The following CIT variants were observed in gnomAD, a reference collection of about 807,000 sequenced individuals.
CIT encodes the protein citron rho-interacting serine/threonine kinase.
Under a neutral mutation model 272.7 loss-of-function variants are expected in CIT, and 79 were observed. That is an observed-to-expected ratio of 0.29 (90% CI 0.24 to 0.35). CIT has a LOEUF of 0.35. Ranked by LOEUF, CIT falls within the 10% of genes least tolerant of loss-of-function variation. The pLI is 1.00. For missense variants in CIT, 1,909 were observed against 2,618.3 expected (o/e 0.73, Z 5.91); for synonymous variants, 948 against 995.6 (o/e 0.95, Z 0.90).
Position 119,803,320 on chromosome 12 carries a change from T to G in CIT, c.1181A>C (p.Asn394Thr). The change falls in exon 10 of 48, where the codon AAT (asparagine) becomes ACT (threonine). Residue 394 changes from asparagine (N) to threonine (T), a missense_variant. Asn to Thr is a moderately conservative substitution (Grantham distance 65). Coordinates refer to ENST00000392521, the MANE Select transcript of CIT (RefSeq NM_001206999.2). The stretch of plus-strand genomic sequence containing the variant: ...GCACGGAGAGGATGAAACCCACGAA[T>G]TCTTCTCTGGTTCATCAAAATTGGA... ...DTSNFDEPEK[N>T]SWVSSSPCQL... The G allele has an allele frequency of 6.2e-7, 1 of 1,608,216 alleles. No individual in the cohort carries two copies. The highest frequency in any genetic ancestry group is 8.5e-7 in the Non-Finnish European group (1 of 1,177,248).
chr12:119,701,586 G>A (rs1474690386), intron 43 of CIT, 38 bp downstream of exon 43: 7 of 1,606,034 alleles, frequency 4.4e-6, no homozygotes, highest in Non-Finnish European at 6.0e-6. Context: ...TAGTGTCCAT[G>A]AGGACCCAAA....
chr12:119,752,370 G>A (rs761694898), intron 22 of CIT, 123 bp from the exon 23 acceptor site: 27 of 853,000 alleles, frequency 3.2e-5, no homozygotes, highest in African/African-American at 1.5e-4. Context: ...CCACCTTCTC[G>A]GCACTCGATA....
At chr12:119,734,448 G>GT (rs1380657786) in intron 25 of CIT, 91 bp from the exon 26 acceptor site, 1 of 1,327,640 alleles carries the variant, frequency 7.5e-7, no homozygotes, top group South Asian at 1.2e-5. Context: ...AAAAGCACAA[G>GT]TTTCTAACTA....
rs942395163 is a variant in CIT at position 119,712,115 on chromosome 12, A to C, written c.4854+63T>G. The C allele has an allele frequency of 2.7e-6, 4 of 1,484,192 alleles. No individual in the cohort carries two copies. The highest frequency in any genetic ancestry group is 3.6e-6 in the Non-Finnish European group (4 of 1,100,976). 91.9% of individuals were successfully genotyped at this position (1,484,192 alleles called of 1,614,324 possible). A position where few individuals can be genotyped will look rare whatever the true frequency, so the allele number is the denominator to read the frequency against. On this transcript the variant is annotated intron_variant, in intron 37 of 47. Transcript: ENST00000392521. This position sits in a 1 kb window ranked among gnomAD's most constrained non-coding sequence, Gnocchi z 5.2. ...ATGGCCAATGGGATTCTCGTCGTTA[A>C]CACCAGTTACCAAGTCAGCCCCCTT... is the stretch of plus-strand genomic sequence containing the variant.
intron 9 of CIT, among the ~76,000 whole-genome samples, chr12:119,808,210 G>A (rs1331451102): frequency 2.0e-5 from 3 of 150,886 alleles, no homozygotes; most frequent in East Asian, 1.9e-4. Flanking sequence ...AAAAATATTC[G>A]AAAAAAAACA....
Position 119,816,026 on chromosome 12 carries a change from G to A in CIT, c.1111+6794C>T, listed in dbSNP as rs1006346684. 2.3e-4 allele frequency among the ~76,000 whole-genome samples: 35 copies of A among 152,198 alleles called. 2 individuals carry two copies. The highest frequency in any genetic ancestry group is 2.3e-3 in the Admixed American group (35 of 15,280). On this transcript the variant is annotated intron_variant, in intron 9 of 47. Coordinates refer to ENST00000392521, the MANE Select transcript of CIT (RefSeq NM_001206999.2). ...AACTTCGGGCTCCATGACCTCATTT[G>A]TATTGTGGACTAGTGATAGGACCTG...
intron 28 of CIT, among the ~76,000 whole-genome samples, chr12:119,723,349 A>T (rs1226539813): frequency 2.0e-5 from 3 of 151,228 alleles, no homozygotes; most frequent in Non-Finnish European, 4.4e-5. Context: ...TAAACGCATC[A>T]ACTGTCCATT....
chr12:119,823,796 T>A (rs926005782), intron 8 of CIT, among the ~76,000 whole-genome samples: 7 of 151,974 alleles, frequency 4.6e-5, no homozygotes, highest in Non-Finnish European at 1.0e-4. Context: ...TCCCAATACT[T>A]TGGGAGGCCG....
chr12:119,794,710 T>C (rs1346983159), intron 10 of CIT, among the ~76,000 whole-genome samples: 3 of 152,204 alleles, frequency 2.0e-5, no homozygotes, highest in Non-Finnish European at 4.4e-5. Flanking sequence ...TGGAGCTGGA[T>C]TCTCTCAATG....
At chr12:119,783,798 C>A in intron 12 of CIT, 110 bp downstream of exon 12, 1 of 1,353,172 alleles carries the variant, frequency 7.4e-7, no homozygotes, top group South Asian at 1.5e-5. Flanking sequence ...CCTCTCTCTA[C>A]TCTCTGCCAT....
intron 33 of CIT, among the ~76,000 whole-genome samples, 164 bp downstream of exon 33, chr12:119,714,033 C>T (rs1957313766): frequency 6.6e-6 from 1 of 152,224 alleles, no homozygotes; most frequent in Non-Finnish European, 1.5e-5. Flanking sequence ...CATATATAAA[C>T]TCACAGCTTC....
Position 119,700,580 on chromosome 12 carries a change from G to A in CIT, c.5623+165C>T, listed in dbSNP as rs556366784. The A allele has an allele frequency of 1.7e-5, 10 of 599,510 alleles. No individual in the cohort carries two copies. The Middle Eastern group carries it at 1.4e-3, about 81-fold the overall frequency. The allele number at this position is 599,510 out of a possible 1,614,324, so 37.1% of individuals were successfully genotyped here. The stretch of plus-strand genomic sequence containing the variant: ...GTATTTTTAGTAGAAATGGGGTTTC[G>A]CCATGTTGGTCAGGCTGGGCTCAAA... On this transcript the variant is annotated intron_variant, in intron 44 of 47. Coordinates refer to ENST00000392521, the MANE Select transcript of CIT (RefSeq NM_001206999.2).
At chr12:119,719,796 G>C (rs1423388945) in intron 30 of CIT, among the ~76,000 whole-genome samples, 1 of 152,226 alleles carries the variant, frequency 6.6e-6, no homozygotes, top group Admixed American at 6.5e-5. Flanking sequence ...CTGGAACTGA[G>C]AACACCTGGC....
chr12:119,833,764 C>G (rs1968811947), intron 6 of CIT, among the ~76,000 whole-genome samples: 1 of 151,772 alleles, frequency 6.6e-6, no homozygotes, highest in Non-Finnish European at 1.5e-5. Context: ...ACATTTCCTT[C>G]TGCAAACCAA....
Position 119,730,378 on chromosome 12 carries a change from G to C in CIT, c.3486+117C>G, listed in dbSNP as rs1488275051. The stretch of plus-strand genomic sequence containing the variant: ...ACCATGGGACATTTTTGGAGTGCAT[G>C]AACATATGTTTATGAAATATGTTTG... On this transcript the variant is annotated intron_variant, in intron 27 of 47. Coordinates refer to ENST00000392521, the MANE Select transcript of CIT (RefSeq NM_001206999.2). The C allele has an allele frequency of 6.5e-6, 8 of 1,221,466 alleles. No homozygotes were observed. The African/African-American group carries it at 1.1e-4, about 16-fold the overall frequency. 75.7% of individuals were successfully genotyped at this position (1,221,466 alleles called of 1,614,324 possible). A position where few individuals can be genotyped will look rare whatever the true frequency, so the allele number is the denominator to read the frequency against.
At chr12:119,745,026 C>A (rs1461182119) in intron 23 of CIT, among the ~76,000 whole-genome samples, 1 of 151,584 alleles carries the variant, frequency 6.6e-6, no homozygotes, top group African/African-American at 2.4e-5. Context: ...AGAAGGAGTA[C>A]AGGAGACAGA....
intron 5 of CIT, among the ~76,000 whole-genome samples, chr12:119,839,973 A>C (rs902844996): frequency 2.6e-5 from 4 of 152,180 alleles, no homozygotes; most frequent in Non-Finnish European, 5.9e-5. Context: ...AATGGTTCTC[A>C]AAATGAGGTC....
At position 119,710,785 on chromosome 12, in the gene CIT, C is replaced by A; in HGVS notation, c.4855-165G>T. The A allele has an allele frequency of 1.4e-6, 1 of 717,994 alleles. No individual in the cohort carries two copies. The allele number at this position is 717,994 out of a possible 1,614,324, so 44.5% of individuals were successfully genotyped here. ...CTCAGCCCGTATTTTGATCTGAGCTCCAAATGCAAAATGCGAGTGCTATTG... is the reference window on the plus strand; with the variant it reads ...CTCAGCCCGTATTTTGATCTGAGCTACAAATGCAAAATGCGAGTGCTATTG... On this transcript the variant is annotated intron_variant, in intron 37 of 47. Coordinates refer to ENST00000392521, the MANE Select transcript of CIT (RefSeq NM_001206999.2). The surrounding 1 kb of genome is among the most constrained non-coding windows in gnomAD (Gnocchi z 5.6).
intron 9 of CIT, among the ~76,000 whole-genome samples, chr12:119,821,444 A>T (rs1236517701): frequency 6.6e-6 from 1 of 152,206 alleles, no homozygotes; most frequent in Non-Finnish European, 1.5e-5. Context: ...AAAAAGGTAG[A>T]TGGGTTTCAG....
Sources: allele counts gnomAD v4.1 joint callset (sites outside exome capture counted in the v4.1 genomes callset), GRCh38; gene constraint gnomAD v4.1.1; non-coding constraint Gnocchi (gnomAD v3.1); transcripts MANE v1.5; gene names NCBI Gene and HGNC (gene_info 2026-07-23, HGNC 2026-07-21).